Variants in SSR1 observed in about 807,000 individuals in gnomAD.
SSR1 encodes signal sequence receptor subunit 1.
SSR1 carries 13 observed loss-of-function variants against 36.1 expected under a neutral mutation model. The observed-to-expected ratio is 0.36, with a 90% CI of 0.23 to 0.57. SSR1 has a LOEUF of 0.57. Among genes scored for constraint, SSR1 ranks in the 20% least tolerant of loss-of-function variants. The pLI is 0.81. For synonymous variants in SSR1, 113 were observed against 118.9 expected (o/e 0.95, Z 0.32); for missense variants, 291 against 338.5 (o/e 0.86, Z 1.10).
Position 7,298,797 on chromosome 6 carries a change from G to A in SSR1, c.570C>T (p.Phe190=). 1 of 1,613,226 alleles carries A rather than the reference G, an allele frequency of 6.2e-7. No individual in the cohort carries two copies. Among genetic ancestry groups the A allele is most frequent in the South Asian group, 1.1e-5 (1 of 91,076 alleles). ...TTTCAATAACTGTAACTGTTTGATT[G>A]AAGACTGCATCTTGGAATACATTGC... ...LNGNVFQDAV[F]NQTVTVIERE... The change falls in exon 5 of 8, where the codon TTC becomes TTT. Residue 190 remains phenylalanine (F), a synonymous_variant. Transcript: ENST00000244763.
At chr6:7,306,814 A>G (rs539006686) in intron 2 of SSR1, among the ~76,000 whole-genome samples, 1,941 of 151,344 alleles carry the variant, frequency 0.013, 22 homozygotes, top group Non-Finnish European at 0.018. Context: ...TACTCGGGAG[A>G]CTGAGGCAGG....
intron 2 of SSR1, among the ~76,000 whole-genome samples, 159 bp from the exon 3 acceptor site, chr6:7,303,796 G>GCCAA (rs1757990687): frequency 6.6e-6 from 1 of 152,166 alleles, no homozygotes; most frequent in Admixed American, 6.5e-5. Context: ...GACCAGCCTG[G>GCCAA]CCAACATGGC....
In SSR1 at chr6:7,295,119, A is replaced by G. The variant is rs938792530; in HGVS notation, c.793+273T>C. ...TACTCTGCACTGAAGCAACAGAAAG[A>G]AAAGAGACAGGAAATGGATTAGGAA... On this transcript the variant is annotated intron_variant, in intron 7 of 7. Transcript: ENST00000244763. The G allele has an allele frequency of 1.2e-5, 18 of 1,519,716 alleles. No individual in the cohort carries two copies. In the African/African-American group the frequency reaches 1.8e-4, roughly 15 times the overall value. The allele number at this position is 1,519,716 out of a possible 1,614,324, so 94.1% of individuals were successfully genotyped here. A position where few individuals can be genotyped will look rare whatever the true frequency, so the allele number is the denominator to read the frequency against.
At chr6:7,305,142 A>G (rs1033229194) in intron 2 of SSR1, among the ~76,000 whole-genome samples, 1 of 152,242 alleles carries the variant, frequency 6.6e-6, no homozygotes, top group Non-Finnish European at 1.5e-5. Context: ...GAAATCCCTG[A>G]TATCTGATTA....
Position 7,313,158 on chromosome 6 carries a change from G to C in SSR1, c.-38C>G, listed in dbSNP as rs770607570. 5.8e-6 allele frequency: 9 copies of C among 1,555,028 alleles called. No homozygotes were observed. Among genetic ancestry groups the C allele is most frequent in the Non-Finnish European group, 7.0e-6 (8 of 1,146,894 alleles). The stretch of plus-strand genomic sequence containing the variant: ...CCAGTGTCCAGTTTCCGTCGGCTAA[G>C]GCTCTCGGCGGCTCCGGCGGTAATG... On this transcript the variant is annotated 5_prime_UTR_variant, in exon 1 of 8. Transcript: ENST00000244763.
intron 1 of SSR1, among the ~76,000 whole-genome samples, chr6:7,311,711 A>AT (rs1359077707): frequency 1.3e-5 from 2 of 152,194 alleles, no homozygotes; most frequent in African/African-American, 4.8e-5. Flanking sequence ...ACCAATAACA[A>AT]TTTTGTCCCC....
At chr6:7,291,510 ACTT>A (rs1757680593) in intron 7 of SSR1, among the ~76,000 whole-genome samples, 1 of 152,206 alleles carries the variant, frequency 6.6e-6, no homozygotes, top group Non-Finnish European at 1.5e-5. Context: ...TGCTCTCACT[ACTT>A]CATTAAGTAG....
intron 1 of SSR1, 39 bp downstream of exon 1, chr6:7,313,003 C>T: frequency 6.4e-7 from 1 of 1,564,034 alleles, no homozygotes; most frequent in African/African-American, 1.4e-5. Flanking sequence ...CTGGCATCTC[C>T]TTCCTGGCCA....
chr6:7,290,203 C>T (rs1366946804), intron 7 of SSR1, among the ~76,000 whole-genome samples: 1 of 152,194 alleles, frequency 6.6e-6, no homozygotes, highest in African/African-American at 2.4e-5. Flanking sequence ...CTGAAGACAC[C>T]ATGCAAAATC....
At chr6:7,290,566 T>C (rs1757659722) in intron 7 of SSR1, among the ~76,000 whole-genome samples, 1 of 152,252 alleles carries the variant, frequency 6.6e-6, no homozygotes, top group Non-Finnish European at 1.5e-5. Context: ...CTTGTCTTAC[T>C]TTCTGGGGGG....
intron 1 of SSR1, among the ~76,000 whole-genome samples, chr6:7,312,217 CTAAGT>C (rs1245859060): frequency 6.6e-6 from 1 of 152,222 alleles, no homozygotes; most frequent in Non-Finnish European, 1.5e-5. Context: ...TTATATTCTG[CTAAGT>C]TATTTTCACA....
intron 2 of SSR1, among the ~76,000 whole-genome samples, chr6:7,306,846 G>A (rs1758073478): frequency 6.6e-6 from 1 of 150,722 alleles, no homozygotes; most frequent in African/African-American, 2.5e-5. Flanking sequence ...AACCCGGGAG[G>A]TGGAGCTTGC....
Position 7,297,903 on chromosome 6 carries a change from A to C in SSR1, c.699+20T>G. On this transcript the variant is annotated intron_variant, in intron 6 of 7. Coordinates refer to ENST00000244763, the MANE Select transcript of SSR1 (RefSeq NM_003144.5). ...ACAACTTTTGAAACACGGCTGTAAG[A>C]GGTGTTCATCCATAATTACCTTTCT... 1.3e-6 allele frequency: 2 copies of C among 1,599,764 alleles called. No individual in the cohort carries two copies. The highest frequency in any genetic ancestry group is 1.7e-6 in the Non-Finnish European group (2 of 1,168,090).
At position 7,288,720 on chromosome 6, in the gene SSR1, C is replaced by T. The variant is rs1757611801; in HGVS notation, c.*1144G>A. The T allele has an allele frequency of 1.3e-5, 2 of 152,550 alleles. No homozygotes were observed. The highest frequency in any genetic ancestry group is 6.5e-5 in the Admixed American group (1 of 15,268). The allele number at this position is 152,550 out of a possible 1,614,324, so 9.4% of individuals were successfully genotyped here. The stretch of plus-strand genomic sequence containing the variant: ...TGACAATAATGCCAAACTTAATTTA[C>T]AATCTAGGGCAAGAGTAACTCTATA... On this transcript the variant is annotated 3_prime_UTR_variant, in exon 8 of 8. Coordinates refer to ENST00000244763, the MANE Select transcript of SSR1 (RefSeq NM_003144.5).
At chr6:7,290,637 TATTGATTTTG>T (rs1298571014) in intron 7 of SSR1, among the ~76,000 whole-genome samples, 1 of 152,198 alleles carries the variant, frequency 6.6e-6, no homozygotes. Context: ...ATTGTTTTTG[TATTGATTTTG>T]ATTGATTTTG....
intron 6 of SSR1, among the ~76,000 whole-genome samples, chr6:7,296,687 G>T (rs1404660582): frequency 6.6e-6 from 1 of 151,186 alleles, no homozygotes; most frequent in Non-Finnish European, 1.5e-5. Flanking sequence ...AAGGAAAGGA[G>T]GAGGGTGAGT....
chr6:7,289,783 G>A lies in SSR1; in HGVS notation c.*81C>T. On this transcript the variant is annotated 3_prime_UTR_variant, in exon 8 of 8. Transcript: ENST00000244763. ...AGGAGTTGCCTTCTATGGTGACATG[G>A]CTTCTCTGCACTAATTCCCATCAGG... 1.6e-6 allele frequency: 2 copies of A among 1,284,870 alleles called. No homozygotes were observed. Among genetic ancestry groups the A allele is most frequent in the Non-Finnish European group, 2.2e-6 (2 of 929,800 alleles). 79.6% of individuals were successfully genotyped at this position (1,284,870 alleles called of 1,614,324 possible).
intron 6 of SSR1, among the ~76,000 whole-genome samples, chr6:7,297,441 T>C (rs72818961): frequency 0.022 from 3,417 of 152,174 alleles, 61 homozygotes; most frequent in Non-Finnish European, 0.033. Flanking sequence ...AAAGTCTAAA[T>C]GAGGCCAGGT....
intron 1 of SSR1, among the ~76,000 whole-genome samples, chr6:7,311,252 T>C (rs1758189287): frequency 6.6e-6 from 1 of 152,332 alleles, no homozygotes; most frequent in Admixed American, 6.5e-5. Context: ...TAGACAATAG[T>C]ACTCTAAGTA....
Sources: gnomAD v4.1 joint callset for allele counts (sites outside exome capture counted in the v4.1 genomes callset) on GRCh38, gnomAD v4.1.1 for gene constraint, MANE v1.5 for transcripts, NCBI Gene and HGNC (gene_info 2026-07-23, HGNC 2026-07-21) for gene names.